The following FBXO33 variants were observed in gnomAD, a reference collection of about 807,000 sequenced individuals.
The protein encoded by FBXO33 is F-box only protein 33.
A neutral mutation model predicts 46.3 loss-of-function variants in FBXO33; 22 were observed. The observed-to-expected ratio is 0.48, with a 90% CI of 0.34 to 0.68. The LOEUF (loss-of-function observed/expected upper bound fraction) is 0.68, where lower values mean the gene tolerates loss of function less well. FBXO33 is among the 30% of genes least tolerant of loss of function. The pLI is 0.01. For missense variants in FBXO33, 692 were observed against 708.8 expected (o/e 0.98, Z 0.27); for synonymous variants, 337 against 291.3 (o/e 1.16, Z -1.60).
intron 1 of FBXO33, among the ~76,000 whole-genome samples, chr14:39,418,882 G>C (rs746143860): frequency 1.3e-5 from 2 of 151,324 alleles, no homozygotes; most frequent in African/African-American, 2.4e-5. Context: ...AATTTAAAAT[G>C]TTCTACCAAT....
Position 39,431,703 on chromosome 14 carries a change from G to C in FBXO33, c.460C>G (p.Pro154Ala). ...GTGTCCGCGCCACCTCCGTCCCCTG[G>C]GCCACCGCCGCTCAGATAGTTCTCG... ...AAENYLSGGG[P>A]GDGGGADTGT... Residue 154 changes from proline (P) to alanine (A), a missense_variant, in exon 1 of 4, where the codon CCA becomes GCA. Physicochemically the swap from Pro to Ala is conservative, Grantham distance 27. This residue lies in a region of FBXO33 where 412 missense variants were observed against 370.8 expected (regional missense o/e 1.11). Coordinates refer to ENST00000298097, the MANE Select transcript of FBXO33 (RefSeq NM_203301.4). 1 of 1,613,328 alleles carries C rather than the reference G, an allele frequency of 6.2e-7. No homozygotes were observed. Among genetic ancestry groups the C allele is most frequent in the Non-Finnish European group, 8.5e-7 (1 of 1,179,986 alleles).
Position 39,401,687 on chromosome 14 carries a change from A to C in FBXO33, c.885T>G (p.Thr295=). 6.2e-7 allele frequency: 1 copy of C among 1,614,206 alleles called. No individual in the cohort carries two copies. Among genetic ancestry groups the C allele is most frequent in the Non-Finnish European group, 8.5e-7 (1 of 1,180,046 alleles). Residue 295 remains threonine, a synonymous_variant, in exon 3 of 4, where the codon ACT becomes ACG. Transcript: ENST00000298097. ...GCTCCAGTTCAACTGCAGTAATAAG[A>C]GTGCTGTTACCAGGAATATTATTGT... ...LLDNNIPGNS[T]LITAVELERF...
chr14:39,429,770 G>C (rs1486544948), intron 1 of FBXO33, among the ~76,000 whole-genome samples: 1 of 152,184 alleles, frequency 6.6e-6, no homozygotes, highest in East Asian at 1.9e-4. Context: ...AGAAGTGATA[G>C]CTGACCCAGA....
rs371550906 is a variant in FBXO33, at chr14:39,398,331, T to C, written c.*1185A>G. 6.6e-6 allele frequency: 1 copy of C among 152,630 alleles called. No homozygotes were observed. The highest frequency in any genetic ancestry group is 1.9e-4 in the East Asian group (1 of 5,206). The allele number at this position is 152,630 out of a possible 1,614,324, so 9.5% of individuals were successfully genotyped here. ...TTAAAGCCTCTCAGATATAACAAGG[T>C]TTTAAAACATACTTCATGGAATGTT... On this transcript the variant is annotated 3_prime_UTR_variant, in exon 4 of 4. Transcript: ENST00000298097.
chr14:39,403,610 AC>A (rs2075378898), intron 1 of FBXO33, among the ~76,000 whole-genome samples: 1 of 152,216 alleles, frequency 6.6e-6, no homozygotes, highest in Non-Finnish European at 1.5e-5. Context: ...AATTTTAGCT[AC>A]AAAACATATA....
intron 1 of FBXO33, among the ~76,000 whole-genome samples, chr14:39,418,129 T>C (rs2075458524): frequency 6.6e-6 from 1 of 151,768 alleles, no homozygotes; most frequent in Non-Finnish European, 1.5e-5. Flanking sequence ...AGTGGCGCGA[T>C]CTCTGCTCAC....
chr14:39,432,065 T>TGCAGCCGCAGCCGCC lies in FBXO33; in HGVS notation c.83_97dup (p.Arg28_Leu32dup). ...CAGCCCCCGCAGCCGTCGCAGCTGCTGCAGCCGCAGCCGCCGCCACCGCGC... is the reference window on the plus strand; with the variant it reads ...CAGCCCCCGCAGCCGTCGCAGCTGCTGCAGCCGCAGCCGCCGCAGCCGCAGCCGCCGCCACCGCGC... On this transcript the variant is annotated inframe_insertion, in exon 1 of 4. Transcript: ENST00000298097. 8.0e-7 allele frequency: 1 copy of TGCAGCCGCAGCCGCC among 1,247,024 alleles called. No homozygotes were observed. The highest frequency in any genetic ancestry group is 1.6e-5 in the African/African-American group (1 of 64,148). 77.2% of individuals were successfully genotyped at this position (1,247,024 alleles called of 1,614,324 possible).
In FBXO33 at chr14:39,431,992, GCCCCGCCGCCGGCTGCCGGCT is replaced by G. The variant is rs1486136603; in HGVS notation, c.150_170del (p.Ala51_Gly57del). On this transcript the variant is annotated inframe_deletion, in exon 1 of 4. Transcript: ENST00000298097. ...CCGCCTGCCCGCACAGAGCCATCCG[GCCCCGCCGCCGGCTGCCGGCT>G]CCCGGCCGCCCCCGCAGTACCCGGA... The G allele has an allele frequency of 1.3e-5, 18 of 1,436,946 alleles. No homozygotes were observed. The highest frequency in any genetic ancestry group is 1.6e-5 in the Non-Finnish European group (18 of 1,108,260). 89.0% of individuals were successfully genotyped at this position (1,436,946 alleles called of 1,614,324 possible).
chr14:39,402,468 G>T lies in FBXO33; in HGVS notation c.643C>A (p.Gln215Lys). ...GTATTTGACAAACTTCCTTGCTGTTGTAGAACACTTATGTCTCCAAAAAGA... is the reference window on the plus strand; with the variant it reads ...GTATTTGACAAACTTCCTTGCTGTTTTAGAACACTTATGTCTCCAAAAAGA... ...FSLFGDISVL[Q>K]QQGSLSNTYL... Residue 215 changes from glutamine (Q) to lysine (K), a missense_variant, in exon 2 of 4, where the codon CAA (glutamine) becomes AAA (lysine). Gln to Lys is a moderately conservative substitution (Grantham distance 53, BLOSUM62 1). This residue lies in a region of FBXO33 where 412 missense variants were observed against 370.8 expected (regional missense o/e 1.11). Coordinates refer to ENST00000298097, the MANE Select transcript of FBXO33 (RefSeq NM_203301.4). 1.9e-6 allele frequency: 3 copies of T among 1,573,946 alleles called. No individual in the cohort carries two copies. Among genetic ancestry groups the T allele is most frequent in the Non-Finnish European group, 2.6e-6 (3 of 1,159,404 alleles).
Position 39,402,449 on chromosome 14 carries a change from G to T in FBXO33, c.662C>A (p.Ser221Ter). The T allele has an allele frequency of 6.3e-7, 1 of 1,582,838 alleles. No homozygotes were observed. The highest frequency in any genetic ancestry group is 1.2e-5 in the South Asian group (1 of 85,242). Reference protein sequence around the residue: ...ISVLQQQGSLSNTYLSKVDPD... With the variant: ...ISVLQQQGSL Reference sequence around the variant, plus strand: ...GTCCACCTTGCTGAGGTATGTATTTGACAAACTTCCTTGCTGTTGTAGAAC... The same window carrying T: ...GTCCACCTTGCTGAGGTATGTATTTTACAAACTTCCTTGCTGTTGTAGAAC... Residue 221 changes from serine (S) to a stop codon, truncating the protein, a stop_gained, in exon 2 of 4, where the codon TCA becomes TAA. Coordinates refer to ENST00000298097, the MANE Select transcript of FBXO33 (RefSeq NM_203301.4). LOFTEE classifies it high-confidence loss of function.
At chr14:39,407,538 G>A (rs1385918444) in intron 1 of FBXO33, among the ~76,000 whole-genome samples, 1 of 152,218 alleles carries the variant, frequency 6.6e-6, no homozygotes. Flanking sequence ...CACATAAGTG[G>A]AGTCATGTAG....
intron 1 of FBXO33, among the ~76,000 whole-genome samples, chr14:39,417,225 A>G (rs2075452781): frequency 6.6e-6 from 1 of 152,234 alleles, no homozygotes; most frequent in Non-Finnish European, 1.5e-5. Context: ...CAGTTGTTTC[A>G]GGCATCTGGG....
intron 1 of FBXO33, among the ~76,000 whole-genome samples, chr14:39,410,045 C>T (rs2075415551): frequency 6.6e-6 from 1 of 152,194 alleles, no homozygotes; most frequent in African/African-American, 2.4e-5. Context: ...ATTGCTCCGG[C>T]TAGAGCTTCC....
In FBXO33 at chr14:39,402,677, ATTTTTTT is replaced by A. The variant is rs58903755; in HGVS notation, c.600-173_600-167del. Among the ~76,000 whole-genome samples, 564 of 83,124 alleles carry A rather than the reference ATTTTTTT, an allele frequency of 6.8e-3. 3 individuals are homozygous for A. The highest frequency in any genetic ancestry group is 0.02 in the African/African-American group (498 of 24,622). The allele number at this position is 83,124 out of a possible 152,430, so 54.5% of individuals were successfully genotyped here. ...CAGATTGCTTTATACATATATTCAG[ATTTTTTT>A]TTTTTTTTTTTTTTTTGAGACGGAG... On this transcript the variant is annotated intron_variant, in intron 1 of 3. Coordinates refer to ENST00000298097, the MANE Select transcript of FBXO33 (RefSeq NM_203301.4).
At chr14:39,399,912 G>T in intron 3 of FBXO33, 125 bp from the exon 4 acceptor site, 3 of 1,110,108 alleles carry the variant, frequency 2.7e-6, no homozygotes, top group Non-Finnish European at 3.6e-6. Context: ...TTACCGTTTT[G>T]GTCTTTTTCC....
chr14:39,429,939 T>C (rs540917763), intron 1 of FBXO33, among the ~76,000 whole-genome samples: 27 of 152,324 alleles, frequency 1.8e-4, no homozygotes, highest in African/African-American at 6.3e-4. Flanking sequence ...CAACCAGTTA[T>C]TAAAATACTT....
chr14:39,417,809 G>A (rs763511567), intron 1 of FBXO33, among the ~76,000 whole-genome samples: 10 of 151,662 alleles, frequency 6.6e-5, no homozygotes, highest in South Asian at 2.1e-4. Context: ...GATTACAGGC[G>A]TGAGCCACCA....
intron 1 of FBXO33, among the ~76,000 whole-genome samples, chr14:39,424,465 A>G (rs890632770): frequency 3.3e-5 from 5 of 152,146 alleles, no homozygotes; most frequent in Non-Finnish European, 7.4e-5. Context: ...GCATTCAAAA[A>G]TATTTGTTGA....
intron 1 of FBXO33, among the ~76,000 whole-genome samples, chr14:39,407,339 A>G (rs963789963): frequency 7.2e-5 from 11 of 152,238 alleles, no homozygotes; most frequent in Non-Finnish European, 1.6e-4. Context: ...AATTCTCCCC[A>G]AATTGATCAA....
Sources: gnomAD v4.1 joint callset for allele counts (sites outside exome capture counted in the v4.1 genomes callset) on GRCh38, gnomAD v4.1.1 for gene constraint, gnomAD v4.1.1 regional missense constraint, MANE v1.5 for transcripts, NCBI Gene and HGNC (gene_info 2026-07-23, HGNC 2026-07-21) for gene names.